The following SIL1 variants were observed in gnomAD, a reference collection of about 807,000 sequenced individuals.
The protein encoded by SIL1 is nucleotide exchange factor SIL1.
Under a neutral mutation model 49.1 loss-of-function variants are expected in SIL1, and 40 were observed. The observed-to-expected ratio is 0.81, with a 90% CI of 0.63 to 1.06. The LOEUF is 1.06. Among genes scored for constraint, SIL1 ranks in the 50% least tolerant of loss-of-function variants. The probability of loss-of-function intolerance (pLI) is 0.00; values close to 1 mark genes in which losing one functional copy is unlikely to be tolerated. For synonymous variants in SIL1, 253 were observed against 250.8 expected (o/e 1.01, Z -0.08); for missense variants, 500 against 572.6 (o/e 0.87, Z 1.29).
chr5:139,032,536 C>T (rs1768815687), intron 5 of SIL1, among the ~76,000 whole-genome samples: 1 of 152,100 alleles, frequency 6.6e-6, no homozygotes, highest in South Asian at 2.1e-4. Flanking sequence ...TTATTTTGTA[C>T]TCTGTCTGGT....
intron 5 of SIL1, among the ~76,000 whole-genome samples, chr5:139,037,457 C>G (rs1768942518): frequency 6.6e-6 from 1 of 152,198 alleles, no homozygotes; most frequent in Admixed American, 6.5e-5. Flanking sequence ...TACTCTCCAT[C>G]TGGAATTCCA....
At chr5:139,164,317 A>AG (rs1375854917) in intron 1 of SIL1, among the ~76,000 whole-genome samples, 1 of 151,956 alleles carries the variant, frequency 6.6e-6, no homozygotes, top group African/African-American at 2.4e-5. Flanking sequence ...CCCTCACAAG[A>AG]GGGAAGAGAA....
intron 7 of SIL1, among the ~76,000 whole-genome samples, chr5:138,992,036 C>A (rs1429110841): frequency 6.6e-6 from 1 of 152,190 alleles, no homozygotes; most frequent in Non-Finnish European, 1.5e-5. Context: ...CAGTCAGTGC[C>A]CACTGTACAC....
At chr5:138,962,966 C>G (rs1436494203) in intron 7 of SIL1, among the ~76,000 whole-genome samples, 3 of 152,230 alleles carry the variant, frequency 2.0e-5, no homozygotes, top group Non-Finnish European at 4.4e-5. Flanking sequence ...GTAATTGTCT[C>G]AGGCAGTCTG....
chr5:138,984,007 C>T (rs928713308), intron 7 of SIL1, among the ~76,000 whole-genome samples: 11 of 152,146 alleles, frequency 7.2e-5, no homozygotes, highest in African/African-American at 2.4e-4. Flanking sequence ...TGGGCTATGT[C>T]GGGGGATTAG....
intron 5 of SIL1, among the ~76,000 whole-genome samples, chr5:139,027,361 A>C (rs1230282660): frequency 6.6e-6 from 1 of 152,246 alleles, no homozygotes; most frequent in African/African-American, 2.4e-5. Context: ...CTAAGGTAGA[A>C]TAACCCACAC....
intron 3 of SIL1, among the ~76,000 whole-genome samples, chr5:139,080,891 T>C (rs1000479945): frequency 6.6e-6 from 1 of 152,254 alleles, no homozygotes; most frequent in Non-Finnish European, 1.5e-5. Context: ...TTGGTTATGA[T>C]ATTTGTTTTT....
intron 1 of SIL1, among the ~76,000 whole-genome samples, chr5:139,179,424 G>A (rs189990736): frequency 6.6e-6 from 1 of 152,314 alleles, no homozygotes; most frequent in African/African-American, 2.4e-5. Context: ...TCCTGATGAG[G>A]CAGCTTCAGA....
chr5:138,947,080 CA>C lies in SIL1; in HGVS notation c.*36del. The C allele has an allele frequency of 2.6e-6, 4 of 1,545,516 alleles. No homozygotes were observed. The highest frequency in any genetic ancestry group is 3.6e-6 in the Non-Finnish European group (4 of 1,124,774). On this transcript the variant is annotated 3_prime_UTR_variant, in exon 10 of 10. Coordinates refer to ENST00000394817, the MANE Select transcript of SIL1 (RefSeq NM_022464.5). This position sits in a 1 kb window ranked among gnomAD's most constrained non-coding sequence, Gnocchi z 4.1. ...CACCCACGCTGGCACCCCTCAGCCT[CA>C]CTAGCGGCATCCCAGTCCAGTCCTG...
chr5:139,118,976 A>G (rs1382260009), intron 3 of SIL1, among the ~76,000 whole-genome samples: 5 of 152,162 alleles, frequency 3.3e-5, no homozygotes, highest in African/African-American at 1.2e-4. Flanking sequence ...TGGGGCAGGC[A>G]TGACCGGAAC....
intron 1 of SIL1, among the ~76,000 whole-genome samples, chr5:139,128,994 A>C (rs778790690): frequency 3.3e-5 from 5 of 152,158 alleles, no homozygotes; most frequent in Non-Finnish European, 7.4e-5. Context: ...CAAAAATACA[A>C]AAATTTGCTG....
intron 7 of SIL1, among the ~76,000 whole-genome samples, chr5:138,982,660 A>C (rs1561814948): frequency 6.6e-6 from 1 of 152,242 alleles, no homozygotes; most frequent in Non-Finnish European, 1.5e-5. Flanking sequence ...TCACTGTACA[A>C]GTCAGTGGGA....
At chr5:139,125,765 G>A (rs187797545) in intron 2 of SIL1, among the ~76,000 whole-genome samples, 65 of 152,228 alleles carry the variant, frequency 4.3e-4, no homozygotes, top group Non-Finnish European at 8.2e-4. Flanking sequence ...GGGCCTGTGC[G>A]CCTTCCACAA....
chr5:139,028,922 T>G lies in SIL1; in HGVS notation c.454-1930A>C, dbSNP rs900472948. ...GTTATACTTTATCCTCCCATGCTAC[T>G]CTCTTACATCCCTGTGCCCTGGTTG... is the stretch of plus-strand genomic sequence containing the variant. On this transcript the variant is annotated intron_variant, in intron 5 of 9. Coordinates refer to ENST00000394817, the MANE Select transcript of SIL1 (RefSeq NM_022464.5). Among the ~76,000 whole-genome samples the G allele has an allele frequency of 7.2e-5, 11 of 152,220 alleles. No homozygotes were observed. In the East Asian group the frequency reaches 1.2e-3, roughly 16 times the overall value.
At chr5:139,013,038 C>T (rs1179763877) in intron 7 of SIL1, among the ~76,000 whole-genome samples, 2 of 152,136 alleles carry the variant, frequency 1.3e-5, no homozygotes, top group Non-Finnish European at 2.9e-5. Flanking sequence ...GGGCTTCATC[C>T]CATCTCTTTA....
chr5:139,024,374 C>G lies in SIL1; in HGVS notation c.645+2427G>C, dbSNP rs189921737. Among the ~76,000 whole-genome samples, 438 of 152,208 alleles carry G rather than the reference C, an allele frequency of 2.9e-3. 2 individuals carry two copies. The highest frequency in any genetic ancestry group is 9.8e-3 in the African/African-American group (407 of 41,546). ...GTTCATTTTTTTTCTCTAAGAGGAT[C>G]AGAGTCCTGCTATTTGAGGCCTGAG... On this transcript the variant is annotated intron_variant, in intron 6 of 9. Coordinates refer to ENST00000394817, the MANE Select transcript of SIL1 (RefSeq NM_022464.5).
intron 9 of SIL1, among the ~76,000 whole-genome samples, chr5:138,950,683 A>C (rs537306128): frequency 6.6e-6 from 1 of 152,316 alleles, no homozygotes; most frequent in Admixed American, 6.5e-5. Context: ...CTGGGCACCA[A>C]GTCTCCTCCC....
intron 5 of SIL1, among the ~76,000 whole-genome samples, chr5:139,031,626 G>T (rs148414868): frequency 2.3e-4 from 35 of 152,206 alleles, no homozygotes; most frequent in African/African-American, 7.5e-4. Context: ...TTTAGAATAA[G>T]CTCATCTACA....
chr5:139,076,755 T>G lies in SIL1; in HGVS notation c.245-25709A>C, dbSNP rs1047018537. Among the ~76,000 whole-genome samples, 3 of 152,180 alleles carry G rather than the reference T, an allele frequency of 2.0e-5. No individual in the cohort carries two copies. The East Asian group carries it at 5.8e-4, about 29-fold the overall frequency. ...GACTAAGAAACCAATTCCCCTTCTA[T>G]TGGTATGGCTAATGGTCACTCTTAC... On this transcript the variant is annotated intron_variant, in intron 3 of 9. Transcript: ENST00000394817.
Sources: allele counts gnomAD v4.1 joint callset (sites outside exome capture counted in the v4.1 genomes callset), GRCh38; gene constraint gnomAD v4.1.1; non-coding constraint Gnocchi (gnomAD v3.1); transcripts MANE v1.5; gene names NCBI Gene and HGNC (gene_info 2026-07-23, HGNC 2026-07-21).